The following CNTNAP5 variants were observed in gnomAD, a reference collection of about 807,000 sequenced individuals.
The protein encoded by CNTNAP5 is contactin-associated protein-like 5.
CNTNAP5 carries 72 observed loss-of-function variants against 150.2 expected under a neutral mutation model. That is an observed-to-expected ratio of 0.48 (90% CI 0.40 to 0.58). The LOEUF (loss-of-function observed/expected upper bound fraction) is 0.58. Ranked by LOEUF, CNTNAP5 falls within the 20% of genes least tolerant of loss-of-function variation. The probability of loss-of-function intolerance (pLI) is 0.00; values close to 1 mark genes in which losing one functional copy is unlikely to be tolerated. For synonymous variants in CNTNAP5, 672 were observed against 619.8 expected (o/e 1.08, Z -1.25); for missense variants, 1,636 against 1,626.2 (o/e 1.01, Z -0.10).
intron 21 of CNTNAP5, among the ~76,000 whole-genome samples, chr2:124,886,180 A>G (rs1324617845): frequency 6.6e-6 from 1 of 152,110 alleles, no homozygotes; most frequent in African/African-American, 2.4e-5. Context: ...ATCCAAGATC[A>G]GGGATGCCAC....
intron 10 of CNTNAP5, among the ~76,000 whole-genome samples, chr2:124,554,133 A>G (rs1219462538): frequency 6.6e-6 from 1 of 151,646 alleles, no homozygotes; most frequent in Non-Finnish European, 1.5e-5. Context: ...GTCTTTTTCT[A>G]TTTATAAATC....
rs1421075083 is a variant in CNTNAP5 at position 124,165,072 on chromosome 2, G to A, written c.83-56633G>A. ...ATGTCTGTGTACATGTGGATAAAGAGCTTGATCTCAACTGTGAAGTGTGGA... is the reference window on the plus strand; with the variant it reads ...ATGTCTGTGTACATGTGGATAAAGAACTTGATCTCAACTGTGAAGTGTGGA... On this transcript the variant is annotated intron_variant, in intron 1 of 23. Coordinates refer to ENST00000682447, the MANE Select transcript of CNTNAP5 (RefSeq NM_001367498.1). Among the ~76,000 whole-genome samples the A allele has an allele frequency of 3.3e-5, 5 of 152,296 alleles. No homozygotes were observed. The East Asian group carries it at 9.7e-4, about 29-fold the overall frequency.
chr2:124,674,477 CCTCT>C lies in CNTNAP5; in HGVS notation c.2077+26523_2077+26526del, dbSNP rs1483226733. ...CTTCCTTCCTTTCCCTCCCTCCCTCCCTCTCTCCCTCTCTACTTCCTTTCTTTCT... is the reference window on the plus strand; with the variant it reads ...CTTCCTTCCTTTCCCTCCCTCCCTCCCTCCCTCTCTACTTCCTTTCTTTCT... On this transcript the variant is annotated intron_variant, in intron 13 of 23. Transcript: ENST00000682447. 9.8e-4 allele frequency among the ~76,000 whole-genome samples: 136 copies of C among 138,580 alleles called. 2 individuals carry two copies. The highest frequency in any genetic ancestry group is 9.2e-4 in the Non-Finnish European group (59 of 64,010). 90.9% of individuals were successfully genotyped at this position (138,580 alleles called of 152,430 possible). A position where few individuals can be genotyped will look rare whatever the true frequency, so the allele number is the denominator to read the frequency against.
intron 11 of CNTNAP5, among the ~76,000 whole-genome samples, chr2:124,565,724 C>T (rs748073307): frequency 2.6e-5 from 4 of 151,166 alleles, no homozygotes; most frequent in Non-Finnish European, 5.9e-5. Context: ...CTCAGCCTCC[C>T]GAGTAGCTGG....
chr2:124,198,473 C>T (rs2104705394), intron 1 of CNTNAP5, among the ~76,000 whole-genome samples: 1 of 151,596 alleles, frequency 6.6e-6, no homozygotes, highest in East Asian at 2.0e-4. Flanking sequence ...CATGAGTATA[C>T]TGCGTGATGC....
chr2:124,911,776 TGA>T (rs747104094), intron 23 of CNTNAP5, among the ~76,000 whole-genome samples: 17 of 152,122 alleles, frequency 1.1e-4, no homozygotes, highest in Admixed American at 2.6e-4. Flanking sequence ...AGCTGAGCAC[TGA>T]GTCAACAGCT....
At chr2:124,823,672 C>T (rs987138379) in intron 19 of CNTNAP5, among the ~76,000 whole-genome samples, 8 of 152,162 alleles carry the variant, frequency 5.3e-5, no homozygotes, top group Non-Finnish European at 1.0e-4. Flanking sequence ...CACTCTGACA[C>T]CTCACCAGTT....
Position 124,706,940 on chromosome 2 carries a change from A to AAGAAGG in CNTNAP5, c.2078-40287_2078-40286insAAGGAG, listed in dbSNP as rs1467697417. 6.6e-4 allele frequency among the ~76,000 whole-genome samples: 12 copies of AAGAAGG among 18,174 alleles called. 1 individual carries two copies. The highest frequency in any genetic ancestry group is 1.3e-3 in the African/African-American group (8 of 6,182). The allele number at this position is 18,174 out of a possible 152,430, so 11.9% of individuals were successfully genotyped here. A position where few individuals can be genotyped will look rare whatever the true frequency, so the allele number is the denominator to read the frequency against. The stretch of plus-strand genomic sequence containing the variant: ...GGAGAAGAAGAAGAAGAAGAAGAAG[A>AAGAAGG]AGGAGGAGGAGGAGGAGGAGGAGGA... On this transcript the variant is annotated intron_variant, in intron 13 of 23. Transcript: ENST00000682447.
intron 3 of CNTNAP5, among the ~76,000 whole-genome samples, chr2:124,260,528 A>C (rs1687426596): frequency 6.6e-6 from 1 of 152,250 alleles, no homozygotes; most frequent in Non-Finnish European, 1.5e-5. Context: ...GGATCTAATT[A>C]AACTAAAGAG....
At chr2:124,398,121 T>TATACTATATATA (rs1691304420) in intron 3 of CNTNAP5, among the ~76,000 whole-genome samples, 1 of 152,190 alleles carries the variant, frequency 6.6e-6, no homozygotes, top group African/African-American at 2.4e-5. Context: ...TTCTCTACCT[T>TATACTATATATA]CTGTATACTA....
At chr2:124,284,540 A>T (rs1573890403) in intron 3 of CNTNAP5, among the ~76,000 whole-genome samples, 1 of 152,116 alleles carries the variant, frequency 6.6e-6, no homozygotes, top group Admixed American at 6.5e-5. Context: ...GTTGATAGGT[A>T]CAGCAAACCA....
intron 11 of CNTNAP5, among the ~76,000 whole-genome samples, chr2:124,580,352 C>T (rs4402762): frequency 0.37 from 55,817 of 152,122 alleles, 10,393 homozygotes; most frequent in South Asian, 0.48. Flanking sequence ...AGACTGTAGC[C>T]ACTCACTGAG....
chr2:124,343,562 A>C (rs1000700297), intron 3 of CNTNAP5, among the ~76,000 whole-genome samples: 1 of 152,200 alleles, frequency 6.6e-6, no homozygotes, highest in Non-Finnish European at 1.5e-5. Context: ...TATGATATTC[A>C]TGTAGCCAGA....
At chr2:124,713,491 C>T (rs530120562) in intron 13 of CNTNAP5, among the ~76,000 whole-genome samples, 1 of 151,448 alleles carries the variant, frequency 6.6e-6, no homozygotes, top group Admixed American at 6.6e-5. Flanking sequence ...GATTCTCCTG[C>T]CTCAGCCTCC....
chr2:124,519,922 G>A (rs1219590039), intron 8 of CNTNAP5, among the ~76,000 whole-genome samples: 1 of 152,134 alleles, frequency 6.6e-6, no homozygotes, highest in African/African-American at 2.4e-5. Flanking sequence ...CCTGAGAGAA[G>A]CCATGAGAAC....
At chr2:124,197,019 T>C (rs1685603726) in intron 1 of CNTNAP5, among the ~76,000 whole-genome samples, 1 of 152,252 alleles carries the variant, frequency 6.6e-6, no homozygotes, top group South Asian at 2.1e-4. Context: ...TCCTACATCA[T>C]ACCTCAATCT....
At chr2:124,362,014 C>A (rs1007370602) in intron 3 of CNTNAP5, among the ~76,000 whole-genome samples, 9 of 152,216 alleles carry the variant, frequency 5.9e-5, no homozygotes, top group Non-Finnish European at 1.3e-4. Context: ...TCTTGTGGTG[C>A]GCCGTTTTTT....
chr2:124,683,985 C>T (rs938829157), intron 13 of CNTNAP5, among the ~76,000 whole-genome samples: 4 of 152,088 alleles, frequency 2.6e-5, no homozygotes, highest in South Asian at 2.1e-4. Flanking sequence ...GGGGATGCTT[C>T]GAGCCAGATT....
chr2:124,521,659 T>A (rs763421523), intron 8 of CNTNAP5, among the ~76,000 whole-genome samples: 1 of 152,200 alleles, frequency 6.6e-6, no homozygotes, highest in African/African-American at 2.4e-5. Context: ...GCTTGGCCTT[T>A]AGGGAGTATT....
Sources: allele counts gnomAD v4.1 joint callset (sites outside exome capture counted in the v4.1 genomes callset), GRCh38; gene constraint gnomAD v4.1.1; transcripts MANE v1.5; gene names NCBI Gene and HGNC (gene_info 2026-07-23, HGNC 2026-07-21).